Variants in IDO2 observed in about 807,000 individuals in gnomAD.
IDO2 encodes indoleamine 2,3-dioxygenase-like 1 protein.
In IDO2, 46 loss-of-function variants were observed where a neutral mutation model predicts 45.1. That is an observed-to-expected ratio of 1.02 (90% CI 0.80 to 1.30). The LOEUF (loss-of-function observed/expected upper bound fraction) is 1.30, where lower values mean the gene tolerates loss of function less well. Ranked by LOEUF, IDO2 falls within the 50% of genes most tolerant of loss-of-function variation. IDO2 has a pLI of 0.00. For missense variants in IDO2, 544 were observed against 491.8 expected, an observed-to-expected ratio of 1.11 and a Z score of -1.00; for synonymous variants, 218 against 184.9, an observed-to-expected ratio of 1.18 and a Z score of -1.45.
In IDO2 at chr8:39,944,032, T is replaced by C. The variant is rs1807693986; in HGVS notation, c.-17-5117T>C. Among the ~76,000 whole-genome samples, 4 of 152,138 alleles carry C rather than the reference T, an allele frequency of 2.6e-5. No individual in the cohort carries two copies. The South Asian group carries it at 8.3e-4, about 32-fold the overall frequency. ...TAAGGAACCATAAATCAAACAACTT[T>C]CAAAACTGAAACCTGCGTGAGAACG... is the stretch of plus-strand genomic sequence containing the variant. On this transcript the variant is annotated intron_variant, in intron 1 of 10. Coordinates refer to ENST00000502986, the Ensembl canonical transcript of IDO2.
intron 8 of IDO2, among the ~76,000 whole-genome samples, chr8:39,990,178 A>C (rs1327272573): frequency 6.6e-6 from 1 of 152,134 alleles, no homozygotes; most frequent in Admixed American, 6.5e-5. Flanking sequence ...CCCATCCTGC[A>C]GTGTTAGGTA....
At chr8:40,002,877 T>G (rs768027115) in intron 8 of IDO2, among the ~76,000 whole-genome samples, 1 of 152,152 alleles carries the variant, frequency 6.6e-6, no homozygotes, top group Non-Finnish European at 1.5e-5. Flanking sequence ...ATGACTTGAT[T>G]TTGATTATCT....
At chr8:39,954,058 C>T (rs1432545851) in intron 2 of IDO2, among the ~76,000 whole-genome samples, 1 of 152,130 alleles carries the variant, frequency 6.6e-6, no homozygotes, top group African/African-American at 2.4e-5. Context: ...TTTTTCCGGC[C>T]ATTTTATTGT....
chr8:40,000,984 T>C (rs952749755), intron 8 of IDO2, among the ~76,000 whole-genome samples: 2 of 152,184 alleles, frequency 1.3e-5, no homozygotes, highest in African/African-American at 4.8e-5. Flanking sequence ...GATTTTCTTT[T>C]TAAATTTTTA....
At chr8:39,957,712 T>C (rs1315815324) in intron 2 of IDO2, among the ~76,000 whole-genome samples, 2 of 152,202 alleles carry the variant, frequency 1.3e-5, no homozygotes, top group South Asian at 4.1e-4. Context: ...GGGCATGTAA[T>C]AGCTCTTTCT....
chr8:40,000,671 C>T (rs1396786678), intron 8 of IDO2, among the ~76,000 whole-genome samples: 1 of 116,678 alleles, frequency 8.6e-6, no homozygotes, highest in Non-Finnish European at 1.9e-5. Flanking sequence ...AAAGCAATGT[C>T]ATTACATATA....
chr8:40,016,108 T>C (rs1342859279), exon 11 of IDO2: 1 of 393,092 alleles, frequency 2.5e-6, no homozygotes, highest in Non-Finnish European at 4.5e-6. Context: ...AATGCTCCAG[T>C]GGAGATGGGA....
At chr8:39,937,743 ACTCCTGGCCTCAGGTGATC>A (rs1563421531) in intron 1 of IDO2, among the ~76,000 whole-genome samples, 1 of 151,848 alleles carries the variant, frequency 6.6e-6, no homozygotes, top group Non-Finnish European at 1.5e-5. Context: ...CTGGTCCCAA[ACTCCTGGCCTCAGGTGATC>A]CTCCTGCGTC....
In IDO2 at chr8:39,985,311, G is replaced by A. The variant is rs78351574; in HGVS notation, c.435-197G>A. On this transcript the variant is annotated intron_variant, in intron 5 of 10. Transcript: ENST00000502986. ...AATGTCGCTCACCCTTTATCACATAGCACCCCATAGTCCAGCCACAACTTG... is the reference window on the plus strand; with the variant it reads ...AATGTCGCTCACCCTTTATCACATAACACCCCATAGTCCAGCCACAACTTG... 0.025 allele frequency: 14,750 copies of A among 598,838 alleles called. 1,927 individuals carry two copies. The East Asian group carries it at 0.32, about 13-fold the overall frequency. The allele number at this position is 598,838 out of a possible 1,614,324, so 37.1% of individuals were successfully genotyped here.
chr8:39,983,525 T>C (rs923892994), intron 5 of IDO2, among the ~76,000 whole-genome samples: 1 of 152,108 alleles, frequency 6.6e-6, no homozygotes, highest in Non-Finnish European at 1.5e-5. Flanking sequence ...GGAATCTACT[T>C]AAAAGGGTTA....
chr8:39,972,570 A>G (rs1247778603), intron 3 of IDO2, among the ~76,000 whole-genome samples: 1 of 132,336 alleles, frequency 7.6e-6, no homozygotes, highest in Non-Finnish European at 1.5e-5. Context: ...AGATCTCGCC[A>G]CTGCACTCCA....
chr8:39,988,195 G>T (rs893429290), intron 7 of IDO2, among the ~76,000 whole-genome samples: 5 of 152,100 alleles, frequency 3.3e-5, no homozygotes, highest in African/African-American at 1.2e-4. Flanking sequence ...CAACAAACAG[G>T]CATTGGTTTG....
intron 1 of IDO2, among the ~76,000 whole-genome samples, chr8:39,941,584 G>A (rs536456949): frequency 6.6e-6 from 1 of 152,092 alleles, no homozygotes; most frequent in East Asian, 1.9e-4. Flanking sequence ...CTAGACCTTG[G>A]GAACAAGAAA....
chr8:40,008,549 C>T (rs1802257451), intron 9 of IDO2, among the ~76,000 whole-genome samples: 1 of 152,206 alleles, frequency 6.6e-6, no homozygotes. Flanking sequence ...CATAATATAT[C>T]ATACTGACAG....
chr8:39,938,975 C>T lies in IDO2; in HGVS notation c.-18+3757C>T, dbSNP rs547658285. 2.4e-4 allele frequency among the ~76,000 whole-genome samples: 37 copies of T among 152,282 alleles called. 2 individuals carry two copies. The South Asian group carries it at 7.3e-3, about 30-fold the overall frequency. On this transcript the variant is annotated intron_variant, in intron 1 of 10. Transcript: ENST00000502986. The stretch of plus-strand genomic sequence containing the variant: ...GTGCAGTAGAAATCCACACTCATGC[C>T]GGGCACAGTGGCTCATGCCTGTAAT...
At chr8:39,961,255 C>T (rs1563428087) in intron 2 of IDO2, among the ~76,000 whole-genome samples, 1 of 151,406 alleles carries the variant, frequency 6.6e-6, no homozygotes, top group South Asian at 2.1e-4. Flanking sequence ...TGGCTTTATA[C>T]ACTCTTGTGG....
intron 3 of IDO2, among the ~76,000 whole-genome samples, chr8:39,972,356 G>A (rs184173159): frequency 1.7e-3 from 264 of 152,024 alleles, no homozygotes; most frequent in Non-Finnish European, 2.9e-3. Flanking sequence ...GGTGGCTCAC[G>A]CCAGCACTTT....
intron 8 of IDO2, among the ~76,000 whole-genome samples, chr8:39,999,085 T>C (rs1168526901): frequency 2.6e-5 from 4 of 152,144 alleles, no homozygotes; most frequent in Non-Finnish European, 5.9e-5. Context: ...TCCTGAAGGA[T>C]ATTTTTGCTA....
intron 1 of IDO2, among the ~76,000 whole-genome samples, chr8:39,938,816 G>A (rs1807596171): frequency 6.6e-6 from 1 of 152,194 alleles, no homozygotes; most frequent in Non-Finnish European, 1.5e-5. Context: ...AAACACAGTG[G>A]CAAGCATATG....
Sources: gnomAD v4.1 joint callset for allele counts (sites outside exome capture counted in the v4.1 genomes callset) on GRCh38, gnomAD v4.1.1 for gene constraint, MANE v1.5 for transcripts, NCBI Gene and HGNC (gene_info 2026-07-23, HGNC 2026-07-21) for gene names.